WDR1: variants seen among roughly 807,000 people sequenced by gnomAD.
WDR1 encodes WD repeat-containing protein 1.
In WDR1, 21 loss-of-function variants were observed where a neutral mutation model predicts 71.9. The ratio of observed to expected loss-of-function variants is 0.29; its 90% CI spans 0.21 to 0.42. The LOEUF is 0.42. Ranked by LOEUF, WDR1 falls within the 10% of genes least tolerant of loss-of-function variation. WDR1 has a pLI of 1.00. For synonymous variants in WDR1, 424 were observed against 347.4 expected (o/e 1.22, Z -2.45); for missense variants, 696 against 824.5 (o/e 0.84, Z 1.91).
At chr4:10,081,580 T>G in intron 10 of WDR1, 136 bp from the exon 11 acceptor site, 1 of 608,074 alleles carries the variant, frequency 1.6e-6, no homozygotes, top group Non-Finnish European at 2.8e-6. Context: ...AGAGACTTGC[T>G]AAAATATGGG....
chr4:10,110,257 C>T (rs560177059), intron 2 of WDR1, among the ~76,000 whole-genome samples: 6 of 152,362 alleles, frequency 3.9e-5, no homozygotes, highest in Non-Finnish European at 5.9e-5. Context: ...GGCGAAGAGA[C>T]GCACACAGGG....
intron 7 of WDR1, 116 bp from the exon 8 acceptor site, chr4:10,088,056 G>T: frequency 9.2e-7 from 1 of 1,086,076 alleles, no homozygotes; most frequent in Non-Finnish European, 1.3e-6. Context: ...CCCAGAGAGA[G>T]GGTGGGACAT....
intron 5 of WDR1, among the ~76,000 whole-genome samples, chr4:10,089,810 G>C (rs1224825199): frequency 6.6e-6 from 1 of 152,240 alleles, no homozygotes; most frequent in Admixed American, 6.5e-5. Flanking sequence ...TGAGCTACCT[G>C]TGTGGGGGAC....
In WDR1 at chr4:10,077,433, A is replaced by G; in HGVS notation, c.1585T>C (p.Tyr529His). 6.2e-7 allele frequency: 1 copy of G among 1,613,964 alleles called. No individual in the cohort carries two copies. Among genetic ancestry groups the G allele is most frequent in the Non-Finnish European group, 8.5e-7 (1 of 1,179,846 alleles). Residue 529 changes from tyrosine (Y) to histidine (H), a missense_variant, in exon 14 of 15, where the codon TAT becomes CAT. Tyr to His is a moderately conservative substitution (Grantham distance 83, BLOSUM62 2). Coordinates refer to ENST00000499869, the MANE Select transcript of WDR1 (RefSeq NM_017491.5). ...ADGYSENNVF[Y>H]GHHAKIVCLA... ...CAGACGATTTTTGCATGGTGTCCAT[A>G]AAAAACATTGTTCTCCTAGTTGCAG...
intron 2 of WDR1, among the ~76,000 whole-genome samples, chr4:10,112,613 G>C (rs925612758): frequency 2.0e-5 from 3 of 152,206 alleles, no homozygotes; most frequent in Non-Finnish European, 2.9e-5. Flanking sequence ...GACAGAGGGG[G>C]CTCCAAGTGC....
intron 8 of WDR1, among the ~76,000 whole-genome samples, chr4:10,086,793 T>C (rs765579764): frequency 6.6e-6 from 1 of 152,142 alleles, no homozygotes; most frequent in Non-Finnish European, 1.5e-5. Flanking sequence ...TGCCTTGATA[T>C]TACAGCTTAG....
At chr4:10,077,569 T>C (rs1764845769) in intron 13 of WDR1, 121 bp from the exon 14 acceptor site, 10 of 1,519,014 alleles carry the variant, frequency 6.6e-6, no homozygotes, top group Non-Finnish European at 7.1e-6. Context: ...GCTAACTCTA[T>C]GCCAGCGACC....
intron 8 of WDR1, among the ~76,000 whole-genome samples, chr4:10,084,933 C>A (rs926348311): frequency 5.9e-5 from 9 of 152,252 alleles, no homozygotes; most frequent in Non-Finnish European, 1.3e-4. Context: ...ACTTCGCTGG[C>A]CACATTCGCT....
At chr4:10,095,703 G>A (rs1712303120) in intron 5 of WDR1, among the ~76,000 whole-genome samples, 1 of 152,208 alleles carries the variant, frequency 6.6e-6, no homozygotes, top group Non-Finnish European at 1.5e-5. Context: ...GTCCGCACAT[G>A]TCTCCTGAGC....
At chr4:10,101,448 G>A (rs993965696) in intron 3 of WDR1, among the ~76,000 whole-genome samples, 1 of 151,944 alleles carries the variant, frequency 6.6e-6, no homozygotes, top group Non-Finnish European at 1.5e-5. Context: ...TGCAGCAAAC[G>A]TTCCAATGTA....
chr4:10,095,826 G>C (rs537925821), intron 5 of WDR1: 2 of 152,342 alleles, frequency 1.3e-5, no homozygotes, highest in East Asian at 3.9e-4. Flanking sequence ...TCACCCGAGG[G>C]GGGCACAGCC....
intron 2 of WDR1, 135 bp from the exon 3 acceptor site, chr4:10,104,121 A>T (rs1712879909): frequency 1.1e-6 from 1 of 872,040 alleles, no homozygotes; most frequent in East Asian, 2.7e-5. Context: ...AAAACCGCAG[A>T]AGCATACCAC....
chr4:10,116,646 C>G lies in WDR1; in HGVS notation c.16+5G>C. ...CGCTCGGGGGCCCCGCGCCGCGGCA[C>G]TTACTGATCTCGTACGGCATCCTCG... On this transcript the variant is annotated splice_donor_5th_base_variant and intron_variant, in intron 1 of 14. Transcript: ENST00000499869. 7.6e-7 allele frequency: 1 copy of G among 1,313,434 alleles called. No homozygotes were observed. Among genetic ancestry groups the G allele is most frequent in the Non-Finnish European group, 9.8e-7 (1 of 1,024,488 alleles). The allele number at this position is 1,313,434 out of a possible 1,614,324, so 81.4% of individuals were successfully genotyped here. A position where few individuals can be genotyped will look rare whatever the true frequency, so the allele number is the denominator to read the frequency against.
chr4:10,079,778 G>A (rs773553836), intron 11 of WDR1, among the ~76,000 whole-genome samples: 2 of 152,162 alleles, frequency 1.3e-5, no homozygotes, highest in Admixed American at 6.5e-5. Context: ...GGTGGATCGC[G>A]ATGAATGGTA....
At chr4:10,106,516 G>A (rs1713025937) in intron 2 of WDR1, 1 of 152,276 alleles carries the variant, frequency 6.6e-6, no homozygotes, top group South Asian at 2.1e-4. Context: ...GGCTCTCCCA[G>A]CCTGGACGAC....
intron 10 of WDR1, 88 bp downstream of exon 10, chr4:10,082,934 C>T: frequency 6.7e-7 from 1 of 1,493,144 alleles, no homozygotes; most frequent in Non-Finnish European, 9.0e-7. Flanking sequence ...AGTGAGGCGT[C>T]CTCCAGAACA....
chr4:10,109,628 C>T (rs540416813), intron 2 of WDR1, among the ~76,000 whole-genome samples: 5 of 152,324 alleles, frequency 3.3e-5, no homozygotes, highest in Admixed American at 2.0e-4. Context: ...GGGTACTCAC[C>T]GTGTGGCCCT....
rs1713697407 is a variant in WDR1, at chr4:10,116,022, G to A, written c.138+91C>T. On this transcript the variant is annotated intron_variant, in intron 2 of 14. Transcript: ENST00000499869. ...GCGCCCTCACCCTCCCCGGGCCAAT[G>A]GGCAGGAGGTGAGAAGTGGAGAGGA... is the stretch of plus-strand genomic sequence containing the variant. 12 of 1,512,342 alleles carry A rather than the reference G, an allele frequency of 7.9e-6. No individual in the cohort carries two copies. The South Asian group carries it at 1.3e-4, about 16-fold the overall frequency. The allele number at this position is 1,512,342 out of a possible 1,614,324, so 93.7% of individuals were successfully genotyped here. A position where few individuals can be genotyped will look rare whatever the true frequency, so the allele number is the denominator to read the frequency against.
intron 5 of WDR1, chr4:10,092,884 G>A (rs1712089465): frequency 4.6e-6 from 2 of 431,208 alleles, no homozygotes; most frequent in South Asian, 1.8e-5. Context: ...GGCTGCAGCA[G>A]TCTCAGTCCA....
Sources: gnomAD v4.1 joint callset for allele counts (sites outside exome capture counted in the v4.1 genomes callset) on GRCh38, gnomAD v4.1.1 for gene constraint, MANE v1.5 for transcripts, NCBI Gene and HGNC (gene_info 2026-07-23, HGNC 2026-07-21) for gene names.